The following CSDE1 variants were observed in gnomAD, a reference collection of about 807,000 sequenced individuals.
CSDE1 encodes cold shock domain containing E1.
A neutral mutation model predicts 89.3 loss-of-function variants in CSDE1; 17 were observed. The ratio of observed to expected loss-of-function variants is 0.19; its 90% CI spans 0.13 to 0.29. CSDE1 has a LOEUF of 0.29. CSDE1 is among the 10% of genes least tolerant of loss of function. The probability of loss-of-function intolerance (pLI) is 1.00; values close to 1 mark genes in which losing one functional copy is unlikely to be tolerated. For synonymous variants in CSDE1, 322 were observed against 332.8 expected (o/e 0.97, Z 0.35); for missense variants, 672 against 984.2 (o/e 0.68, Z 4.24).
chr1:114,737,811 C>T (rs1660485761), intron 4 of CSDE1, 152 bp downstream of exon 4: 1 of 656,634 alleles, frequency 1.5e-6, no homozygotes, highest in Admixed American at 2.9e-5. Context: ...CAAGAAATGC[C>T]AGTGCTTTTG....
chr1:114,743,613 T>C (rs1479565960), intron 2 of CSDE1, among the ~76,000 whole-genome samples: 1 of 152,210 alleles, frequency 6.6e-6, no homozygotes, highest in Non-Finnish European at 1.5e-5. Flanking sequence ...TCTCCAATCC[T>C]GCCACACATC....
chr1:114,747,388 T>A (rs1661069024), intron 2 of CSDE1, among the ~76,000 whole-genome samples: 1 of 152,196 alleles, frequency 6.6e-6, no homozygotes, highest in South Asian at 2.1e-4. Flanking sequence ...ATAATCTTCA[T>A]CCCAATTGTG....
intron 2 of CSDE1, among the ~76,000 whole-genome samples, chr1:114,747,121 T>C (rs535706360): frequency 6.6e-6 from 1 of 152,376 alleles, no homozygotes; most frequent in East Asian, 1.9e-4. Context: ...GATCAAATCA[T>C]TCACCAAACA....
intron 16 of CSDE1, 68 bp from the exon 17 acceptor site, chr1:114,720,785 G>T: frequency 7.2e-7 from 1 of 1,385,030 alleles, no homozygotes; most frequent in Non-Finnish European, 1.0e-6. Context: ...ACCCTAGGAA[G>T]TTTATATAAC....
chr1:114,740,832 A>C (rs1226884640), intron 2 of CSDE1, among the ~76,000 whole-genome samples: 1 of 152,248 alleles, frequency 6.6e-6, no homozygotes, highest in African/African-American at 2.4e-5. Flanking sequence ...CTAAATCATT[A>C]CAATTATGTT....
intron 1 of CSDE1, among the ~76,000 whole-genome samples, chr1:114,753,286 G>A (rs978830350): frequency 1.1e-4 from 16 of 151,038 alleles, no homozygotes; most frequent in South Asian, 4.3e-4. Flanking sequence ...GAGATTTCTG[G>A]AACTGAAACT....
Position 114,734,045 on chromosome 1 carries a change from C to G in CSDE1, c.655G>C (p.Asp219His), listed in dbSNP as rs1454272855. Reference protein sequence around the residue: ...IFFHYSEFKGDLETLQPGDDV... With the variant: ...IFFHYSEFKGHLETLQPGDDV... ...TCGCCAGGCTGTAAGGTTTCTAAGT[C>G]ACCCTTAAATTCACTATAGTGAAAG... The change falls in exon 8 of 20, where the codon GAC (aspartate) becomes CAC (histidine). Residue 219 changes from aspartate (D) to histidine (H), a missense_variant. By Grantham distance (81) the Asp-to-His change is moderately conservative (BLOSUM62 -1). This residue lies in a region of CSDE1 where 169 missense variants were observed against 262.9 expected (regional missense o/e 0.64). Transcript: ENST00000358528. 1.9e-6 allele frequency: 3 copies of G among 1,613,338 alleles called. No individual in the cohort carries two copies. The highest frequency in any genetic ancestry group is 1.7e-6 in the Non-Finnish European group (2 of 1,179,934).
chr1:114,736,018 C>G (rs1660382141), intron 6 of CSDE1, among the ~76,000 whole-genome samples: 1 of 152,162 alleles, frequency 6.6e-6, no homozygotes, highest in Non-Finnish European at 1.5e-5. Flanking sequence ...CCACCTTGAA[C>G]ATTCTCCTTA....
At chr1:114,733,923 T>G in intron 8 of CSDE1, 66 bp from the exon 9 acceptor site, 1 of 1,606,482 alleles carries the variant, frequency 6.2e-7, no homozygotes, top group Non-Finnish European at 8.5e-7. Context: ...ATTTTAAGTG[T>G]TTCTTAAAAA....
chr1:114,734,582 C>T, intron 6 of CSDE1, 59 bp from the exon 7 acceptor site: 1 of 1,384,022 alleles, frequency 7.2e-7, no homozygotes, highest in East Asian at 2.3e-5. Flanking sequence ...ATGTATTGGC[C>T]TGCTTAGATA....
chr1:114,719,217 G>A (rs1659371842), intron 18 of CSDE1, among the ~76,000 whole-genome samples: 1 of 152,184 alleles, frequency 6.6e-6, no homozygotes, highest in South Asian at 2.1e-4. Context: ...GCTGACGTGG[G>A]AGAATTGCTT....
chr1:114,751,445 A>G (rs1002678362), intron 1 of CSDE1, among the ~76,000 whole-genome samples: 1 of 152,184 alleles, frequency 6.6e-6, no homozygotes, highest in Admixed American at 6.5e-5. Flanking sequence ...CCTAATCGCA[A>G]TCACTGGTAC....
At chr1:114,756,881 G>C (rs968376113) in intron 1 of CSDE1, 2 of 152,236 alleles carry the variant, frequency 1.3e-5, no homozygotes, top group African/African-American at 4.8e-5. Context: ...GTGTTTCTAA[G>C]GGAAAACCTT....
rs772098275 is a variant in CSDE1 at position 114,733,324 on chromosome 1, G to A, written c.837+408C>T. 2.4e-4 allele frequency among the ~76,000 whole-genome samples: 37 copies of A among 152,070 alleles called. 1 individual carries two copies. Among genetic ancestry groups the A allele is most frequent in the Middle Eastern group, 6.8e-3 (2 of 294 alleles). ...GGACAGATCGCAAGGTCAAGAGATC[G>A]AGACCATCCTTGCCAACAGGGTGAA... is the stretch of plus-strand genomic sequence containing the variant. On this transcript the variant is annotated intron_variant, in intron 9 of 19. Transcript: ENST00000358528.
intron 2 of CSDE1, among the ~76,000 whole-genome samples, chr1:114,743,947 C>CT (rs1660873265): frequency 6.6e-6 from 1 of 152,202 alleles, no homozygotes; most frequent in Non-Finnish European, 1.5e-5. Flanking sequence ...TGACATGTGA[C>CT]ATGTTAATAC....
intron 15 of CSDE1, 108 bp downstream of exon 15, chr1:114,725,113 A>C: frequency 1.2e-6 from 1 of 844,540 alleles, no homozygotes; most frequent in Non-Finnish European, 2.0e-6. Context: ...ATGGAATCGC[A>C]CATGAGAATG....
At chr1:114,723,831 C>G in intron 16 of CSDE1, 52 bp downstream of exon 16, 1 of 1,610,898 alleles carries the variant, frequency 6.2e-7, no homozygotes, top group East Asian at 2.2e-5. Flanking sequence ...TTTATAGGTG[C>G]TCATCTGAAG....
At chr1:114,721,473 A>G (rs527616409) in intron 16 of CSDE1, among the ~76,000 whole-genome samples, 1 of 152,288 alleles carries the variant, frequency 6.6e-6, no homozygotes, top group South Asian at 2.1e-4. Flanking sequence ...GCTGCCTAAC[A>G]ATTTTCAGCA....
intron 16 of CSDE1, among the ~76,000 whole-genome samples, chr1:114,721,033 G>A (rs1420993799): frequency 6.6e-6 from 1 of 152,168 alleles, no homozygotes; most frequent in African/African-American, 2.4e-5. Context: ...ACTATGGGTT[G>A]CCAATATTCA....
Sources: allele counts gnomAD v4.1 joint callset (sites outside exome capture counted in the v4.1 genomes callset), GRCh38; gene constraint gnomAD v4.1.1; regional missense constraint gnomAD v4.1.1; transcripts MANE v1.5; gene names NCBI Gene and HGNC (gene_info 2026-07-23, HGNC 2026-07-21).